Variants in CRTC3 observed in about 807,000 individuals in gnomAD.
The protein encoded by CRTC3 is CREB regulated transcription coactivator 3.
A neutral mutation model predicts 74.5 loss-of-function variants in CRTC3; 26 were observed. That is an observed-to-expected ratio of 0.35 (90% CI 0.26 to 0.48). The LOEUF is 0.48. Ranked by LOEUF, CRTC3 falls within the 20% of genes least tolerant of loss-of-function variation. CRTC3 has a pLI of 0.99. For synonymous variants in CRTC3, 377 were observed against 325.8 expected (o/e 1.16, Z -1.69); for missense variants, 760 against 787.3 (o/e 0.97, Z 0.41).
chr15:90,543,409 A>C (rs1010187893), intron 2 of CRTC3, among the ~76,000 whole-genome samples: 3 of 150,972 alleles, frequency 2.0e-5, no homozygotes, highest in African/African-American at 7.3e-5. Flanking sequence ...CTTTATCCTG[A>C]TCTTCATTAA....
In CRTC3 at chr15:90,593,663, C is replaced by A; in HGVS notation, c.259C>A (p.Arg87=). 6.2e-7 allele frequency: 1 copy of A among 1,610,234 alleles called. No homozygotes were observed. The highest frequency in any genetic ancestry group is 2.2e-5 in the East Asian group (1 of 44,758). ...GTCATTTCACCAAGCTGATAATGTT[C>A]GGGGAACCCGCCATCACGGGCTGGT... ...QPSFHQADNV[R]GTRHHGLVER... is the part of the protein sequence containing the mutation. Residue 87 remains arginine, a synonymous_variant, in exon 3 of 15, where the codon CGG becomes AGG. Coordinates refer to ENST00000268184, the MANE Select transcript of CRTC3 (RefSeq NM_022769.5).
chr15:90,578,375 C>T (rs112827406), intron 2 of CRTC3, among the ~76,000 whole-genome samples: 6,086 of 151,960 alleles, frequency 0.04, 382 homozygotes, highest in African/African-American at 0.14. Context: ...AGCAAAACCC[C>T]GTCTCTACTA....
At chr15:90,549,440 G>T (rs1966850390) in intron 2 of CRTC3, among the ~76,000 whole-genome samples, 1 of 151,898 alleles carries the variant, frequency 6.6e-6, no homozygotes, top group Non-Finnish European at 1.5e-5. Context: ...TAAAAATCCA[G>T]CTATTTGAAA....
chr15:90,552,979 C>T (rs1238703641), intron 2 of CRTC3, among the ~76,000 whole-genome samples: 1 of 152,100 alleles, frequency 6.6e-6, no homozygotes, highest in East Asian at 1.9e-4. Flanking sequence ...ATGCTCTCTG[C>T]CAGCCCTGAG....
chr15:90,644,152 AG>A lies in CRTC3; in HGVS notation c.*2015del. ...TCCTCGCCTGATTTCCAGCTCAGGA[AG>A]GGCCTGCTGGCCTGCCCTGTTCCCA... On this transcript the variant is annotated 3_prime_UTR_variant, in exon 15 of 15. Coordinates refer to ENST00000268184, the MANE Select transcript of CRTC3 (RefSeq NM_022769.5). 8.8e-6 allele frequency: 2 copies of A among 228,468 alleles called. No homozygotes were observed. Among genetic ancestry groups the A allele is most frequent in the Non-Finnish European group, 8.7e-6 (1 of 115,000 alleles). 14.2% of individuals were successfully genotyped at this position (228,468 alleles called of 1,614,324 possible). A position where few individuals can be genotyped will look rare whatever the true frequency, so the allele number is the denominator to read the frequency against.
rs137897219 is a variant in CRTC3 at position 90,638,751 on chromosome 15, A to G, written c.1484A>G (p.Asn495Ser). 704 of 1,614,138 alleles carry G rather than the reference A, an allele frequency of 4.4e-4. No individual in the cohort carries two copies. Among genetic ancestry groups the G allele is most frequent in the Non-Finnish European group, 5.3e-4 (630 of 1,180,024 alleles). The part of the protein sequence containing the change: ...LLPAQGSSLT[N>S]FFPDVGFDQQ... ...TCCCTGAAGGGCTCATCTTTGACCAACTTCTTCCCAGATGTGGGTTTTGAC... is the reference window on the plus strand; with the variant it reads ...TCCCTGAAGGGCTCATCTTTGACCAGCTTCTTCCCAGATGTGGGTTTTGAC... Residue 495 changes from asparagine (N) to serine (S), a missense_variant, in exon 13 of 15, where the codon AAC becomes AGC. Asn to Ser is a conservative substitution (Grantham distance 46). Around this residue, in one of 2 missense-constraint regions of CRTC3, gnomAD observed 652 missense variants for 635.2 expected, o/e 1.03. Coordinates refer to ENST00000268184, the MANE Select transcript of CRTC3 (RefSeq NM_022769.5).
rs1384230582 is a variant in CRTC3 at position 90,566,572 on chromosome 15, A to C, written c.231+26435A>C. Among the ~76,000 whole-genome samples, 7 of 151,250 alleles carry C rather than the reference A, an allele frequency of 4.6e-5. No homozygotes were observed. The East Asian group carries it at 1.4e-3, about 29-fold the overall frequency. On this transcript the variant is annotated intron_variant, in intron 2 of 14. Transcript: ENST00000268184. ...CTATTAAAAAAAAAAAAGAGGAAGA[A>C]GAAGCCAACTCCATAACATAAAAGT...
At chr15:90,624,033 C>G (rs1329604445) in intron 9 of CRTC3, among the ~76,000 whole-genome samples, 1 of 152,180 alleles carries the variant, frequency 6.6e-6, no homozygotes, top group East Asian at 1.9e-4. Context: ...ACATGGCCTC[C>G]CTCCAGGCTC....
In CRTC3 at chr15:90,598,589, G is replaced by A. The variant is rs964194266; in HGVS notation, c.352-3735G>A. 1.0e-5 allele frequency: 7 copies of A among 696,988 alleles called. No individual in the cohort carries two copies. The African/African-American group carries it at 1.2e-4, about 12-fold the overall frequency. 43.2% of individuals were successfully genotyped at this position (696,988 alleles called of 1,614,324 possible). A position where few individuals can be genotyped will look rare whatever the true frequency, so the allele number is the denominator to read the frequency against. Reference sequence around the variant, plus strand: ...TCTGAGATCCTAACATGAGTGTCTTGGTGGACGGTGGCCTCACTAAATGAG... The same window carrying A: ...TCTGAGATCCTAACATGAGTGTCTTAGTGGACGGTGGCCTCACTAAATGAG... On this transcript the variant is annotated intron_variant, in intron 3 of 14. Coordinates refer to ENST00000268184, the MANE Select transcript of CRTC3 (RefSeq NM_022769.5).
chr15:90,535,291 G>A (rs916897297), intron 1 of CRTC3, among the ~76,000 whole-genome samples: 1 of 152,180 alleles, frequency 6.6e-6, no homozygotes, highest in African/African-American at 2.4e-5. Context: ...CAACCAGAGG[G>A]GCAGGAGAAA....
intron 2 of CRTC3, among the ~76,000 whole-genome samples, chr15:90,549,551 A>T (rs1340268825): frequency 6.6e-6 from 1 of 152,120 alleles, no homozygotes; most frequent in Non-Finnish European, 1.5e-5. Context: ...CGAGGCGGGC[A>T]GATTGCTTGA....
chr15:90,602,283 CT>C (rs775397089), intron 3 of CRTC3, 40 bp from the exon 4 acceptor site: 1 of 1,226,256 alleles, frequency 8.2e-7, no homozygotes, highest in Admixed American at 1.7e-5. Flanking sequence ...TCTGCTTCAT[CT>C]TTCCATTAAT....
chr15:90,604,187 C>G (rs892865619), intron 4 of CRTC3, 198 bp from the exon 5 acceptor site: 11 of 546,602 alleles, frequency 2.0e-5, no homozygotes, highest in African/African-American at 1.9e-4. Context: ...AATCAGAGAT[C>G]ACAGGACTGG....
intron 2 of CRTC3, among the ~76,000 whole-genome samples, chr15:90,543,706 AT>A: frequency 6.6e-6 from 1 of 152,118 alleles, no homozygotes; most frequent in South Asian, 2.1e-4. Flanking sequence ...CAGAGCACAG[AT>A]TTTTTTTAAG....
chr15:90,541,062 C>CGAA (rs1567158968), intron 2 of CRTC3, among the ~76,000 whole-genome samples: 1 of 152,150 alleles, frequency 6.6e-6, no homozygotes, highest in African/African-American at 2.4e-5. Flanking sequence ...GTGCTTTCAT[C>CGAA]GTTCACATCA....
chr15:90,546,756 G>A (rs554039252), intron 2 of CRTC3, among the ~76,000 whole-genome samples: 91 of 152,290 alleles, frequency 6.0e-4, no homozygotes, highest in Admixed American at 9.1e-4. Flanking sequence ...CTGAGTAGCT[G>A]GGACTACAGG....
chr15:90,543,682 A>T (rs1298832863), intron 2 of CRTC3, among the ~76,000 whole-genome samples: 1 of 152,250 alleles, frequency 6.6e-6, no homozygotes, highest in Non-Finnish European at 1.5e-5. Flanking sequence ...TTCTTGAAAA[A>T]CTGAGGAGAG....
At chr15:90,592,027 A>G (rs981044292) in intron 2 of CRTC3, among the ~76,000 whole-genome samples, 1 of 152,258 alleles carries the variant, frequency 6.6e-6, no homozygotes, top group African/African-American at 2.4e-5. Context: ...GATTATAAAA[A>G]TAGATCGGAA....
chr15:90,583,283 G>A (rs1967585260), intron 2 of CRTC3, among the ~76,000 whole-genome samples: 1 of 152,096 alleles, frequency 6.6e-6, no homozygotes, highest in Admixed American at 6.6e-5. Context: ...TTTTAACTTA[G>A]TTTATCTGTT....
Sources: allele counts gnomAD v4.1 joint callset (sites outside exome capture counted in the v4.1 genomes callset), GRCh38; gene constraint gnomAD v4.1.1; regional missense constraint gnomAD v4.1.1; transcripts MANE v1.5; gene names NCBI Gene and HGNC (gene_info 2026-07-23, HGNC 2026-07-21).